Variants in PGM5 observed in about 807,000 individuals in gnomAD.
PGM5 encodes the protein phosphoglucomutase-like protein 5.
Under a neutral mutation model 59.2 loss-of-function variants are expected in PGM5, and 23 were observed. The observed-to-expected ratio is 0.39, with a 90% CI of 0.28 to 0.55. The LOEUF is 0.55. Among genes scored for constraint, PGM5 ranks in the 20% least tolerant of loss-of-function variants. The pLI is 0.66. For synonymous variants in PGM5, 214 were observed against 286.0 expected, an observed-to-expected ratio of 0.75 and a Z score of 2.54; for missense variants, 574 against 748.3, an observed-to-expected ratio of 0.77 and a Z score of 2.72.
chr9:68,364,983 G>A (rs2998801), intron 1 of PGM5, among the ~76,000 whole-genome samples: 7 of 152,182 alleles, frequency 4.6e-5, no homozygotes, highest in Non-Finnish European at 1.0e-4. Context: ...AACATTATGC[G>A]TGAAACTTGC....
chr9:68,513,364 A>C (rs1401052844), intron 10 of PGM5, among the ~76,000 whole-genome samples: 2 of 152,230 alleles, frequency 1.3e-5, no homozygotes, highest in African/African-American at 2.4e-5. Flanking sequence ...TCTTGTCAGA[A>C]GGGTTCTTCA....
At chr9:68,438,349 G>A (rs1286520376) in intron 6 of PGM5, among the ~76,000 whole-genome samples, 1 of 147,242 alleles carries the variant, frequency 6.8e-6, no homozygotes, top group East Asian at 2.1e-4. Context: ...ATCTGTAGCT[G>A]TTTGAACATA....
intron 2 of PGM5, among the ~76,000 whole-genome samples, chr9:68,383,249 T>C (rs1554678527): frequency 6.6e-6 from 1 of 152,028 alleles, no homozygotes; most frequent in Admixed American, 6.6e-5. Flanking sequence ...AACAGAAAAA[T>C]ATTGTGAGTC....
intron 9 of PGM5, among the ~76,000 whole-genome samples, chr9:68,489,527 G>A (rs1216618686): frequency 2.0e-5 from 3 of 147,498 alleles, no homozygotes; most frequent in African/African-American, 7.6e-5. Context: ...GTGCAGTGGT[G>A]TGATCTTGGC....
chr9:68,499,333 A>T lies in PGM5; in HGVS notation c.1586A>T (p.Asp529Val), dbSNP rs1238426108. The change falls in exon 10 of 11, where the codon GAT becomes GTT. Residue 529 changes from aspartate to valine, a missense_variant. Asp to Val is a radical substitution (Grantham distance 152, BLOSUM62 -3). Coordinates refer to ENST00000396396, the MANE Select transcript of PGM5 (RefSeq NM_021965.4). ...CTGTACGCAGAGAGCTACGAGAGGG[A>T]TCCCAGCGGCCATGACCAGGAGCCA... ...LRLYAESYER[D>V]PSGHDQEPQA... 6.8e-6 allele frequency: 11 copies of T among 1,614,030 alleles called. No homozygotes were observed. Among genetic ancestry groups the T allele is most frequent in the Non-Finnish European group, 9.3e-6 (11 of 1,180,000 alleles).
At chr9:68,479,869 G>T (rs1824166356) in intron 8 of PGM5, among the ~76,000 whole-genome samples, 1 of 149,874 alleles carries the variant, frequency 6.7e-6, no homozygotes, top group Admixed American at 6.6e-5. Flanking sequence ...GGAAGGCGGA[G>T]CCGAGATCCC....
Position 68,364,162 on chromosome 9 carries a change from G to A in PGM5, c.261+6774G>A, listed in dbSNP as rs553576858. On this transcript the variant is annotated intron_variant, in intron 1 of 10. Coordinates refer to ENST00000396396, the MANE Select transcript of PGM5 (RefSeq NM_021965.4). ...TTGCAGAATTCAAGAATGTCTCAGT[G>A]TCTTGTGAACTAGGAAGCTGAAATG... is the stretch of plus-strand genomic sequence containing the variant. 3.9e-3 allele frequency among the ~76,000 whole-genome samples: 588 copies of A among 152,078 alleles called. 3 individuals are homozygous for A. Among genetic ancestry groups the A allele is most frequent in the African/African-American group, 0.013 (525 of 41,538 alleles).
rs1356176186 is a variant in PGM5 at position 68,421,568 on chromosome 9, T to G, written c.1043+29095T>G. Among the ~76,000 whole-genome samples, 4 of 151,752 alleles carry G rather than the reference T, an allele frequency of 2.6e-5. No homozygotes were observed. In the East Asian group the frequency reaches 7.7e-4, roughly 29 times the overall value. On this transcript the variant is annotated intron_variant, in intron 6 of 10. Coordinates refer to ENST00000396396, the MANE Select transcript of PGM5 (RefSeq NM_021965.4). ...CCTGTCTTTACTAAAAATACAAAAA[T>G]TAGTCAGGCATGGTGGTGCGTGCCT...
At chr9:68,433,872 A>G (rs1337971396) in intron 6 of PGM5, among the ~76,000 whole-genome samples, 3 of 152,254 alleles carry the variant, frequency 2.0e-5, no homozygotes, top group African/African-American at 7.2e-5. Context: ...GCTCAGGGCC[A>G]AAAGAAAAGG....
intron 6 of PGM5, among the ~76,000 whole-genome samples, chr9:68,461,133 ACT>A (rs1417037023): frequency 6.6e-6 from 1 of 151,612 alleles, no homozygotes; most frequent in Non-Finnish European, 1.5e-5. Context: ...TTCATAGTTG[ACT>A]CTGTTCCAAA....
intron 9 of PGM5, 74 bp from the exon 10 acceptor site, chr9:68,499,153 T>C: frequency 6.7e-7 from 1 of 1,501,392 alleles, no homozygotes; most frequent in Non-Finnish European, 9.2e-7. Context: ...TGCTGATTTC[T>C]GTGGCAGGTA....
intron 6 of PGM5, among the ~76,000 whole-genome samples, chr9:68,436,819 G>A (rs138887969): frequency 6.6e-6 from 1 of 152,324 alleles, no homozygotes; most frequent in East Asian, 1.9e-4. Flanking sequence ...TTAGTAAAGT[G>A]AAGGTTGTGG....
rs530414496 is a variant in PGM5, at chr9:68,404,099, G to A, written c.1043+11626G>A. Among the ~76,000 whole-genome samples, 49 of 152,204 alleles carry A rather than the reference G, an allele frequency of 3.2e-4. 1 individual carries two copies. The highest frequency in any genetic ancestry group is 1.1e-3 in the African/African-American group (46 of 41,542). ...TTATATTCTGGGTAAAGTGGGTTAA[G>A]CAGGTATGATTCCTTCTAGAGGTTG... On this transcript the variant is annotated intron_variant, in intron 6 of 10. Coordinates refer to ENST00000396396, the MANE Select transcript of PGM5 (RefSeq NM_021965.4).
intron 9 of PGM5, among the ~76,000 whole-genome samples, chr9:68,489,557 C>G (rs1824354716): frequency 6.6e-6 from 1 of 151,280 alleles, no homozygotes; most frequent in Non-Finnish European, 1.5e-5. Context: ...CCTCTGCTCC[C>G]GGGTTCAAGC....
At chr9:68,390,476 GA>G (rs1420051240) in intron 4 of PGM5, among the ~76,000 whole-genome samples, 13 of 152,272 alleles carry the variant, frequency 8.5e-5, no homozygotes, top group African/African-American at 3.1e-4. Flanking sequence ...CATGAACTGA[GA>G]TGGGGAAGAG....
intron 7 of PGM5, among the ~76,000 whole-genome samples, chr9:68,473,744 T>C (rs1824058304): frequency 6.6e-6 from 1 of 152,140 alleles, no homozygotes. Context: ...TTTCATGAGA[T>C]GTGGGACTTT....
intron 6 of PGM5, chr9:68,428,750 T>G (rs889278749): frequency 6.6e-6 from 1 of 152,250 alleles, no homozygotes; most frequent in Non-Finnish European, 1.5e-5. Context: ...GCAGACCCAG[T>G]TGTTCCTAGA....
intron 9 of PGM5, among the ~76,000 whole-genome samples, chr9:68,488,257 C>A (rs1824330630): frequency 6.6e-6 from 1 of 152,160 alleles, no homozygotes; most frequent in South Asian, 2.1e-4. Context: ...CATCCCCCAG[C>A]ACACACACTC....
chr9:68,465,408 T>C (rs1471946833), intron 7 of PGM5, among the ~76,000 whole-genome samples, 200 bp downstream of exon 7: 1 of 152,224 alleles, frequency 6.6e-6, no homozygotes, highest in African/African-American at 2.4e-5. Context: ...AAATTTCTCT[T>C]TCTTTAAAAA....
Sources: allele counts gnomAD v4.1 joint callset (sites outside exome capture counted in the v4.1 genomes callset), GRCh38; gene constraint gnomAD v4.1.1; transcripts MANE v1.5; gene names NCBI Gene and HGNC (gene_info 2026-07-23, HGNC 2026-07-21).